BOP1: variants seen among roughly 807,000 people sequenced by gnomAD.
BOP1 encodes ribosome biogenesis protein BOP1.
In BOP1, 54 loss-of-function variants were observed where a neutral mutation model predicts 82.9. The observed-to-expected ratio is 0.65, with a 90% CI of 0.52 to 0.82. The LOEUF is 0.82. BOP1 is among the 40% of genes least tolerant of loss of function. The pLI, the probability that BOP1 is intolerant of heterozygous loss-of-function variation, is 0.00. For synonymous variants in BOP1, 566 were observed against 451.1 expected (o/e 1.25, Z -3.23); for missense variants, 1,170 against 1,072.0 (o/e 1.09, Z -1.28).
At position 144,291,167 on chromosome 8, in the gene BOP1, G is replaced by C; in HGVS notation, c.99+105C>G. On this transcript the variant is annotated intron_variant, in intron 1 of 15. Coordinates refer to ENST00000569669, the MANE Select transcript of BOP1 (RefSeq NM_015201.5). The surrounding 1 kb of genome is among the most constrained non-coding windows in gnomAD (Gnocchi z 4.1). Reference sequence around the variant, plus strand: ...CACGCCCAAGACCGATTCACTGGGCGCGGGCGCCCAGGTGACAGAAGCCGG... The same window carrying C: ...CACGCCCAAGACCGATTCACTGGGCCCGGGCGCCCAGGTGACAGAAGCCGG... The C allele has an allele frequency of 1.0e-6, 1 of 992,138 alleles. No individual in the cohort carries two copies. The highest frequency in any genetic ancestry group is 2.2e-5 in the South Asian group (1 of 45,850). 61.5% of individuals were successfully genotyped at this position (992,138 alleles called of 1,614,324 possible).
At chr8:144,285,491 T>C (rs1390875866) in intron 2 of BOP1, among the ~76,000 whole-genome samples, 1 of 152,062 alleles carries the variant, frequency 6.6e-6, no homozygotes, top group Non-Finnish European at 1.5e-5. Flanking sequence ...ATCTCGTCCT[T>C]CAGGGGCTGC....
intron 3 of BOP1, 176 bp from the exon 4 acceptor site, chr8:144,265,247 TGGC>T (rs1391349928): frequency 1.4e-6 from 1 of 738,880 alleles, no homozygotes; most frequent in South Asian, 1.9e-5. Flanking sequence ...TGACGTGGCA[TGGC>T]GGCCACGCTG....
At chr8:144,268,219 C>A in intron 3 of BOP1, 1 of 1,541,860 alleles carries the variant, frequency 6.5e-7, no homozygotes, top group South Asian at 1.2e-5. Context: ...ACAGCCCCCA[C>A]CTTGGACCTG....
intron 2 of BOP1, among the ~76,000 whole-genome samples, chr8:144,276,596 G>A (rs1845570865): frequency 6.6e-6 from 1 of 152,106 alleles, no homozygotes; most frequent in South Asian, 2.1e-4. Context: ...GGAAGCCACT[G>A]GGGCAGTCAG....
chr8:144,272,790 G>C (rs1238352253), intron 3 of BOP1, among the ~76,000 whole-genome samples: 2 of 152,136 alleles, frequency 1.3e-5, no homozygotes, highest in Non-Finnish European at 2.9e-5. Flanking sequence ...CTGACCCCAG[G>C]GTCTCTCCTC....
chr8:144,267,517 C>G (rs1359793597), intron 3 of BOP1, among the ~76,000 whole-genome samples: 1 of 152,210 alleles, frequency 6.6e-6, no homozygotes, highest in East Asian at 1.9e-4. Flanking sequence ...AGTTGAAAGG[C>G]GGAGTGAAAA....
chr8:144,273,682 C>T (rs1845528349), intron 3 of BOP1, among the ~76,000 whole-genome samples: 1 of 152,226 alleles, frequency 6.6e-6, no homozygotes, highest in East Asian at 1.9e-4. Context: ...GCCCACCTCC[C>T]CGGGGGTCCC....
rs1458260247 is a variant in BOP1, at chr8:144,262,844, A to G, written c.1894+9T>C. 3 of 599,770 alleles carry G rather than the reference A, an allele frequency of 5.0e-6. No individual in the cohort carries two copies. Among genetic ancestry groups the G allele is most frequent in the African/African-American group, 1.1e-4 (2 of 17,440 alleles). 37.2% of individuals were successfully genotyped at this position (599,770 alleles called of 1,614,324 possible). ...CTCACCTGCAGGGTGCACCGCCCCC[A>G]CCCCTCACCTGCAGGGTGCACCGCC... is the stretch of plus-strand genomic sequence containing the variant. On this transcript the variant is annotated intron_variant, in intron 13 of 15. Transcript: ENST00000569669.
chr8:144,282,022 G>A (rs1845693052), intron 2 of BOP1: 1 of 152,256 alleles, frequency 6.6e-6, no homozygotes, highest in African/African-American at 2.4e-5. Context: ...AATGAGCACA[G>A]AAAGGAAAAA....
At position 144,262,505 on chromosome 8, in the gene BOP1, T is replaced by TG. The variant is rs1240541544; in HGVS notation, c.1980-3dup. On this transcript the variant is annotated splice_polypyrimidine_tract_variant and splice_region_variant and intron_variant, in intron 14 of 15. Transcript: ENST00000569669. ...GCCCGCAGAGCCTTCTTGTGGTGTC[T>TG]GGGGGGAGGGAACCAGGTTGAAGGC... is the stretch of plus-strand genomic sequence containing the variant. 17 of 1,612,694 alleles carry TG rather than the reference T, an allele frequency of 1.1e-5. No homozygotes were observed. The highest frequency in any genetic ancestry group is 1.4e-5 in the Non-Finnish European group (17 of 1,179,724).
At chr8:144,281,034 A>G (rs1443096754) in intron 2 of BOP1, among the ~76,000 whole-genome samples, 1 of 147,388 alleles carries the variant, frequency 6.8e-6, no homozygotes, top group African/African-American at 2.5e-5. Flanking sequence ...TCTCACTTTA[A>G]TACCAGGTCT....
chr8:144,271,823 C>T (rs964633444), intron 3 of BOP1, among the ~76,000 whole-genome samples: 3 of 152,316 alleles, frequency 2.0e-5, no homozygotes, highest in East Asian at 1.9e-4. Context: ...GCCCGGCTCC[C>T]GCCAACCACG....
chr8:144,263,427 C>G, intron 11 of BOP1, 26 bp from the exon 12 acceptor site: 6 of 1,597,830 alleles, frequency 3.8e-6, no homozygotes, highest in Non-Finnish European at 5.1e-6. Context: ...AGACACGGCC[C>G]CTAAGCACAG....
In BOP1 at chr8:144,262,412, G is replaced by A; in HGVS notation, c.2071C>T (p.His691Tyr). 6.2e-7 allele frequency: 1 copy of A among 1,612,788 alleles called. No individual in the cohort carries two copies. Among genetic ancestry groups the A allele is most frequent in the South Asian group, 1.1e-5 (1 of 91,080 alleles). ...GSDDGSVIVC[H>Y]GMVYNDLLQN... ...AGCACTCACTTGTACACCATGCCAT[G>A]GCAGACGATGACACTGCCGTCGTCC... Residue 691 changes from histidine (H) to tyrosine (Y), a missense_variant, in exon 15 of 16, where the codon CAT becomes TAT. Transcript: ENST00000569669.
chr8:144,278,664 C>T (rs1284944776), intron 2 of BOP1, among the ~76,000 whole-genome samples: 6 of 152,202 alleles, frequency 3.9e-5, no homozygotes, highest in South Asian at 2.1e-4. Context: ...GCCAGAACAT[C>T]GCTGTCGGGG....
In BOP1 at chr8:144,263,529, T is replaced by C. The variant is rs1215479908; in HGVS notation, c.1373A>G (p.Lys458Arg). ...GGGGCTGGGGTTCCAGGCCACACTC[T>C]TCACCACGCCCCCCACGGGAACAGT... Reference protein sequence around the residue: ...VRTVPVGGVVKSVAWNPSPAV... With the variant: ...VRTVPVGGVVRSVAWNPSPAV... The change falls in exon 11 of 16, where the codon AAG becomes AGG. Residue 458 changes from lysine (K) to arginine (R), a missense_variant. Transcript: ENST00000569669. The C allele has an allele frequency of 2.3e-5, 37 of 1,599,638 alleles. No homozygotes were observed. The South Asian group carries it at 2.9e-4, about 12-fold the overall frequency.
At chr8:144,268,364 G>A (rs2130216686) in intron 3 of BOP1, 1 of 610,358 alleles carries the variant, frequency 1.6e-6, no homozygotes, top group Non-Finnish European at 2.9e-6. Context: ...CGGGCCCACT[G>A]GAACTTTCTG....
At chr8:144,267,188 CGG>C (rs1407742883) in intron 3 of BOP1, 2 of 1,518,174 alleles carry the variant, frequency 1.3e-6, no homozygotes, top group African/African-American at 1.4e-5. Context: ...TTGGTGAGCA[CGG>C]GCCGTGGGGC....
intron 3 of BOP1, among the ~76,000 whole-genome samples, chr8:144,273,511 C>T (rs957340963): frequency 7.2e-5 from 11 of 152,246 alleles, no homozygotes; most frequent in Non-Finnish European, 1.2e-4. Context: ...CAGCCTGCTA[C>T]GCTTTCCTGA....
Sources: gnomAD v4.1 joint callset for allele counts (sites outside exome capture counted in the v4.1 genomes callset) on GRCh38, gnomAD v4.1.1 for gene constraint, Gnocchi (gnomAD v3.1) non-coding constraint, MANE v1.5 for transcripts, NCBI Gene and HGNC (gene_info 2026-07-23, HGNC 2026-07-21) for gene names.